RNF14: variants seen among roughly 807,000 people sequenced by gnomAD.
The protein encoded by RNF14 is E3 ubiquitin-protein ligase RNF14.
A neutral mutation model predicts 52.6 loss-of-function variants in RNF14; 26 were observed. The ratio of observed to expected loss-of-function variants is 0.49; its 90% CI spans 0.36 to 0.69. The LOEUF is 0.69. Among genes scored for constraint, RNF14 ranks in the 30% least tolerant of loss-of-function variants. RNF14 has a pLI of 0.00. For missense variants in RNF14, 404 were observed against 560.4 expected (o/e 0.72, Z 2.82); for synonymous variants, 194 against 202.0 (o/e 0.96, Z 0.34).
intron 4 of RNF14, among the ~76,000 whole-genome samples, chr5:141,977,755 T>C (rs1238438931): frequency 4.6e-5 from 7 of 152,258 alleles, no homozygotes; most frequent in African/African-American, 1.7e-4. Context: ...ACAAGGACTC[T>C]GAGGTTGAAT....
rs917618964 is a variant in RNF14 at position 141,973,633 on chromosome 5, C to T, written c.45C>T (p.Ala15=). The change falls in exon 3 of 9, where the codon GCC becomes GCT. Residue 15 remains alanine (A), a synonymous_variant. Coordinates refer to ENST00000394520, the MANE Select transcript of RNF14 (RefSeq NM_004290.5). ...DREAQEDELL[A]LASIYDGDEF... ...AAGCTCAGGAGGATGAATTGCTGGC[C>T]CTGGCAAGTATTTACGATGGAGATG... The T allele has an allele frequency of 7.4e-6, 12 of 1,613,450 alleles. No individual in the cohort carries two copies. The highest frequency in any genetic ancestry group is 9.3e-6 in the Non-Finnish European group (11 of 1,179,742).
chr5:141,951,593 A>T, the RNF14 span: 15 of 1,612,140 alleles, frequency 9.3e-6, no homozygotes, highest in Non-Finnish European at 1.3e-5. Flanking sequence ...GAGATTTGCT[A>T]CAAGACAGGA....
At chr5:141,967,158 C>T (rs1435766369), upstream of RNF14, among the ~76,000 whole-genome samples, 1 of 151,970 alleles carries the variant, frequency 6.6e-6, no homozygotes, top group African/African-American at 2.4e-5. Flanking sequence ...CCTTGGGTGC[C>T]CTGATTTACT....
chr5:141,982,022 C>A (rs543031264), intron 6 of RNF14, among the ~76,000 whole-genome samples: 1 of 151,926 alleles, frequency 6.6e-6, no homozygotes, highest in Non-Finnish European at 1.5e-5. Flanking sequence ...GAAGGTAAGG[C>A]CAGATGGAAT....
chr5:141,978,564 G>A lies in RNF14; in HGVS notation c.568G>A (p.Asp190Asn). 6.2e-7 allele frequency: 1 copy of A among 1,614,142 alleles called. No homozygotes were observed. The highest frequency in any genetic ancestry group is 1.1e-5 in the South Asian group (1 of 91,074). ...EEIVDERAVQ[D>N]VESLSNLIQE... ...AATTGTGGATGAGAGAGCAGTGCAG[G>A]ATGTGGAATCACTGTCAAATCTGAT... The change falls in exon 5 of 9, where the codon GAT (aspartate) becomes AAT (asparagine). Residue 190 changes from aspartate to asparagine, a missense_variant. Transcript: ENST00000394520.
upstream of RNF14, among the ~76,000 whole-genome samples, chr5:141,962,355 G>A (rs188570133): frequency 9.2e-5 from 14 of 152,326 alleles, no homozygotes; most frequent in East Asian, 3.9e-4. Context: ...TCCAGATATC[G>A]AAGTCACTTG....
chr5:141,956,147 C>A (rs1753180093), upstream of RNF14: 3 of 1,614,066 alleles, frequency 1.9e-6, no homozygotes, highest in African/African-American at 2.7e-5. Context: ...TCGCTGAGCA[C>A]AGGCTGGACC....
upstream of RNF14, chr5:141,968,753 C>A (rs557455481): frequency 6.6e-6 from 1 of 152,364 alleles, no homozygotes; most frequent in Admixed American, 6.5e-5. Flanking sequence ...CCAGAAAGAC[C>A]GGCAGCATTT....
rs371996038 is a variant in RNF14, at chr5:141,974,847, C to A, written c.198C>A (p.Thr66=). 1 of 1,613,956 alleles carries A rather than the reference C, an allele frequency of 6.2e-7. No homozygotes were observed. The highest frequency in any genetic ancestry group is 8.5e-7 in the Non-Finnish European group (1 of 1,179,912). Residue 66 remains threonine (T), a synonymous_variant, in exon 4 of 9, where the codon ACC becomes ACA. Transcript: ENST00000394520. ...TCCAGAATAGTGGCTTTGAATACAC[C>A]ATTTGCTTTCTGCCTCCACTTGTGC... The part of the protein sequence containing the change: ...ECLQNSGFEY[T]ICFLPPLVLN...
At position 141,975,888 on chromosome 5, in the gene RNF14, G is replaced by A. The variant is rs530197244; in HGVS notation, c.306+933G>A. On this transcript the variant is annotated intron_variant, in intron 4 of 8. Coordinates refer to ENST00000394520, the MANE Select transcript of RNF14 (RefSeq NM_004290.5). ...TGCAGTGAGCCAAGACTGAGCCACT[G>A]CACTCCAGCCTGGGTGACAGACAGA... 1.6e-4 allele frequency among the ~76,000 whole-genome samples: 24 copies of A among 149,330 alleles called. No individual in the cohort carries two copies. The South Asian group carries it at 4.7e-3, about 29-fold the overall frequency.
At chr5:141,950,089 T>G in the RNF14 span, among the ~76,000 whole-genome samples, 1 of 152,202 alleles carries the variant, frequency 6.6e-6, no homozygotes, top group South Asian at 2.1e-4. Flanking sequence ...GGGTGCTGAA[T>G]GAGTGACTGA....
rs368041467 is a variant in RNF14, at chr5:141,989,802, CAA to C, written c.*2014_*2015del. 173 of 151,900 alleles carry C rather than the reference CAA, an allele frequency of 1.1e-3. 1 individual carries two copies. Among genetic ancestry groups the C allele is most frequent in the African/African-American group, 3.8e-3 (157 of 41,430 alleles). The allele number at this position is 151,900 out of a possible 1,614,324, so 9.4% of individuals were successfully genotyped here. Reference sequence around the variant, plus strand: ...ACCTGAGAAGAGTGATTTCTGTGATCAAAGAGTTCAATTCAGATTTATTCAGA... The same window carrying C: ...ACCTGAGAAGAGTGATTTCTGTGATCAGAGTTCAATTCAGATTTATTCAGA... On this transcript the variant is annotated 3_prime_UTR_variant, in exon 9 of 9. Transcript: ENST00000394520.
chr5:141,949,507 A>G, the RNF14 span: 1 of 1,614,126 alleles, frequency 6.2e-7, no homozygotes, highest in Non-Finnish European at 8.5e-7. Context: ...TCAGGATCCA[A>G]AGGCCCTTCC....
chr5:141,955,209 C>T (rs1308538141), upstream of RNF14: 1 of 1,614,216 alleles, frequency 6.2e-7, no homozygotes, highest in Admixed American at 1.7e-5. This position sits in a 1 kb window ranked among gnomAD's most constrained non-coding sequence, Gnocchi z 5.5. Context: ...TGCCTGCAAC[C>T]TTCAGAGGCC....
At chr5:141,965,653 T>G (rs252139), upstream of RNF14, among the ~76,000 whole-genome samples, 2 of 152,180 alleles carry the variant, frequency 1.3e-5, no homozygotes, top group Non-Finnish European at 2.9e-5. Flanking sequence ...TCCACCACTG[T>G]GTGATACTGG....
rs61748697 is a variant in RNF14 at position 141,978,584 on chromosome 5, T to C, written c.588T>C (p.Asn196=). Residue 196 remains asparagine (N), a synonymous_variant, in exon 5 of 9, where the codon AAT becomes AAC. Transcript: ENST00000394520. ...TGCAGGATGTGGAATCACTGTCAAA[T>C]CTGATCCAGGAAATCTTGGACTTTG... ...RAVQDVESLS[N]LIQEILDFDQ... 0.013 allele frequency: 21,716 copies of C among 1,614,062 alleles called. 189 individuals carry two copies. The highest frequency in any genetic ancestry group is 0.016 in the Non-Finnish European group (18,650 of 1,179,930).
intron 8 of RNF14, among the ~76,000 whole-genome samples, chr5:141,987,005 A>G (rs1160546852): frequency 1.3e-5 from 2 of 152,168 alleles, no homozygotes; most frequent in African/African-American, 4.8e-5. Context: ...ACTGGCTAGA[A>G]CCACTCCATG....
rs1157323958 is a variant in RNF14 at position 141,969,181 on chromosome 5, A to T, written c.-181+14A>T. 1 of 153,112 alleles carries T rather than the reference A, an allele frequency of 6.5e-6. No individual in the cohort carries two copies. The highest frequency in any genetic ancestry group is 2.4e-5 in the African/African-American group (1 of 41,470). 9.5% of individuals were successfully genotyped at this position (153,112 alleles called of 1,614,324 possible). A position where few individuals can be genotyped will look rare whatever the true frequency, so the allele number is the denominator to read the frequency against. On this transcript the variant is annotated intron_variant, in intron 1 of 8. Transcript: ENST00000394520. The stretch of plus-strand genomic sequence containing the variant: ...CGGCTGGCGGCGGTGAGTGGGCCCC[A>T]GGCAAGGGCGGAGGGCGGAACTTTG...
chr5:141,962,325 A>G (rs1043983522), upstream of RNF14, among the ~76,000 whole-genome samples: 1 of 152,252 alleles, frequency 6.6e-6, no homozygotes, highest in African/African-American at 2.4e-5. Flanking sequence ...CTTGGTTAAC[A>G]GCGGCAGTTC....
Sources: allele counts gnomAD v4.1 joint callset (sites outside exome capture counted in the v4.1 genomes callset), GRCh38; gene constraint gnomAD v4.1.1; non-coding constraint Gnocchi (gnomAD v3.1); transcripts MANE v1.5; gene names NCBI Gene and HGNC (gene_info 2026-07-23, HGNC 2026-07-21).